TNIK: variants seen among roughly 807,000 people sequenced by gnomAD.
The protein encoded by TNIK is TRAF2 and NCK-interacting protein kinase.
In TNIK, 49 loss-of-function variants were observed where a neutral mutation model predicts 191.3. The ratio of observed to expected loss-of-function variants is 0.26; its 90% CI spans 0.20 to 0.32. The LOEUF (loss-of-function observed/expected upper bound fraction) is 0.32, where lower values mean the gene tolerates loss of function less well. Ranked by LOEUF, TNIK falls within the 10% of genes least tolerant of loss-of-function variation. The pLI is 1.00. For missense variants in TNIK, 1,155 were observed against 1,702.3 expected, an observed-to-expected ratio of 0.68 and a Z score of 5.66; for synonymous variants, 594 against 600.9, an observed-to-expected ratio of 0.99 and a Z score of 0.17.
At chr3:171,299,743 T>C (rs1372916797) in intron 2 of TNIK, among the ~76,000 whole-genome samples, 1 of 152,218 alleles carries the variant, frequency 6.6e-6, no homozygotes, top group Admixed American at 6.5e-5. Flanking sequence ...CAAACTGAGT[T>C]GTTAGGAGGC....
chr3:171,325,973 A>T (rs4894814), intron 2 of TNIK, among the ~76,000 whole-genome samples: 143,878 of 152,304 alleles, frequency 0.94, 68,031 homozygotes, highest in East Asian at 1. Flanking sequence ...TCTATCCAGA[A>T]TTCATAACAA....
intron 5 of TNIK, among the ~76,000 whole-genome samples, chr3:171,191,393 C>T (rs905249635): frequency 7.2e-5 from 11 of 152,104 alleles, no homozygotes; most frequent in African/African-American, 2.7e-4. Context: ...CAGGTGCCTG[C>T]CACCACGCCA....
At chr3:171,332,864 C>G (rs1560440196) in intron 2 of TNIK, among the ~76,000 whole-genome samples, 1 of 152,182 alleles carries the variant, frequency 6.6e-6, no homozygotes. Flanking sequence ...ATTATCTATA[C>G]TAAAACTGGG....
chr3:171,205,173 A>C (rs1038021736), intron 4 of TNIK, among the ~76,000 whole-genome samples: 1 of 152,134 alleles, frequency 6.6e-6, no homozygotes, highest in Non-Finnish European at 1.5e-5. Flanking sequence ...CTGTGTTCCC[A>C]CCAATATTGT....
At chr3:171,102,548 C>T (rs77195386) in intron 21 of TNIK, among the ~76,000 whole-genome samples, 119 of 152,230 alleles carry the variant, frequency 7.8e-4, no homozygotes, top group African/African-American at 2.6e-3. Flanking sequence ...AAAGCATGGC[C>T]GCTCTAATTT....
chr3:171,273,255 A>T (rs1749344459), intron 2 of TNIK, among the ~76,000 whole-genome samples: 1 of 152,200 alleles, frequency 6.6e-6, no homozygotes, highest in Admixed American at 6.5e-5. Flanking sequence ...CCTGATGCCA[A>T]GGTGAGTCTG....
intron 4 of TNIK, among the ~76,000 whole-genome samples, chr3:171,195,338 A>G (rs1362287554): frequency 6.6e-6 from 1 of 152,210 alleles, no homozygotes; most frequent in Non-Finnish European, 1.5e-5. Context: ...TTTTACATGC[A>G]TTTTCTAGGC....
intron 12 of TNIK, among the ~76,000 whole-genome samples, chr3:171,148,723 A>G (rs1731986633): frequency 6.6e-6 from 1 of 152,222 alleles, no homozygotes; most frequent in Non-Finnish European, 1.5e-5. Flanking sequence ...GGAAAACATT[A>G]TTAATGTCTT....
chr3:171,076,487 C>A (rs1010463162), intron 28 of TNIK, among the ~76,000 whole-genome samples: 5 of 152,184 alleles, frequency 3.3e-5, no homozygotes, highest in Non-Finnish European at 7.3e-5. Flanking sequence ...GTGTCTCATA[C>A]TTTTCTGAGA....
chr3:171,297,813 C>T (rs1752473227), intron 2 of TNIK, among the ~76,000 whole-genome samples: 1 of 152,006 alleles, frequency 6.6e-6, no homozygotes, highest in South Asian at 2.1e-4. Context: ...TATTTAAAAC[C>T]AGTTAATATC....
chr3:171,274,306 A>G (rs1247760442), intron 2 of TNIK, among the ~76,000 whole-genome samples: 1 of 152,192 alleles, frequency 6.6e-6, no homozygotes, highest in Non-Finnish European at 1.5e-5. Context: ...AGCTACTCCA[A>G]CTTATCAAAA....
intron 2 of TNIK, among the ~76,000 whole-genome samples, chr3:171,315,668 C>T (rs1272256313): frequency 1.3e-5 from 2 of 151,848 alleles, no homozygotes; most frequent in Non-Finnish European, 2.9e-5. Flanking sequence ...CAGTTCCATG[C>T]CTCCTTCCTA....
In TNIK at chr3:171,110,673, C is replaced by T. The variant is rs759452979; in HGVS notation, c.2284+41G>A. On this transcript the variant is annotated intron_variant, in intron 19 of 32. Transcript: ENST00000436636. The stretch of plus-strand genomic sequence containing the variant: ...CTTTTTCCCTGTCCACAGCTTTCCT[C>T]CCAGGCAGTATTGCCAGGTAAAGGT... 2.0e-6 allele frequency: 3 copies of T among 1,536,304 alleles called. No homozygotes were observed. The South Asian group carries it at 3.8e-5, about 19-fold the overall frequency.
At chr3:171,398,820 C>T (rs1720556952) in intron 1 of TNIK, among the ~76,000 whole-genome samples, 1 of 152,142 alleles carries the variant, frequency 6.6e-6, no homozygotes, top group African/African-American at 2.4e-5. Flanking sequence ...ACACACTATT[C>T]CCTTTCCCTG....
At chr3:171,334,306 T>C (rs775533890) in intron 2 of TNIK, among the ~76,000 whole-genome samples, 3 of 152,190 alleles carry the variant, frequency 2.0e-5, no homozygotes, top group Non-Finnish European at 4.4e-5. Flanking sequence ...CACAATCCTC[T>C]GCACTGTGAC....
At chr3:171,268,241 T>A (rs967110654) in intron 2 of TNIK, among the ~76,000 whole-genome samples, 1 of 152,176 alleles carries the variant, frequency 6.6e-6, no homozygotes, top group Non-Finnish European at 1.5e-5. Flanking sequence ...TGTGTCTTTA[T>A]GTTGCCTAAT....
At chr3:171,346,934 T>A (rs1712298543) in intron 2 of TNIK, 2 of 492,516 alleles carry the variant, frequency 4.1e-6, no homozygotes, top group Non-Finnish European at 7.1e-6. Flanking sequence ...GAGAGAGACA[T>A]GATCAAATAA....
intron 1 of TNIK, among the ~76,000 whole-genome samples, chr3:171,384,698 T>A (rs1718498144): frequency 6.6e-6 from 1 of 152,226 alleles, no homozygotes; most frequent in Non-Finnish European, 1.5e-5. Context: ...CAGATATTTA[T>A]GGCATGAGCT....
chr3:171,157,708 GC>G (rs759651337), intron 11 of TNIK, 44 bp from the exon 12 acceptor site: 2 of 1,543,670 alleles, frequency 1.3e-6, no homozygotes, highest in East Asian at 2.5e-5. Flanking sequence ...TGGGGCAGGG[GC>G]CATGGCTACC....
Sources: gnomAD v4.1 joint callset for allele counts (sites outside exome capture counted in the v4.1 genomes callset) on GRCh38, gnomAD v4.1.1 for gene constraint, MANE v1.5 for transcripts, NCBI Gene and HGNC (gene_info 2026-07-23, HGNC 2026-07-21) for gene names.